The following FUCA1 variants were observed in gnomAD, a reference collection of about 807,000 sequenced individuals.
FUCA1 encodes the protein alpha-L-fucosidase 1, also known as tissue alpha-L-fucosidase.
A neutral mutation model predicts 56.8 loss-of-function variants in FUCA1; 52 were observed. That is an observed-to-expected ratio of 0.92 (90% CI 0.73 to 1.15). The LOEUF is 1.15. Among genes scored for constraint, FUCA1 ranks in the 50% most tolerant of loss-of-function variants. FUCA1 has a pLI of 0.00. For synonymous variants in FUCA1, 230 were observed against 226.6 expected (o/e 1.02, Z -0.14); for missense variants, 568 against 592.6 (o/e 0.96, Z 0.43).
chr1:23,845,526 A>C lies in FUCA1; in HGVS notation c.*189T>G. Reference sequence around the variant, plus strand: ...GCTGACCTGATACAGATATAATCACAATGGATCTCAGATCTTTGGTCCATT... The same window carrying C: ...GCTGACCTGATACAGATATAATCACCATGGATCTCAGATCTTTGGTCCATT... On this transcript the variant is annotated 3_prime_UTR_variant, in exon 8 of 8. Coordinates refer to ENST00000374479, the MANE Select transcript of FUCA1 (RefSeq NM_000147.5). 2 of 663,518 alleles carry C rather than the reference A, an allele frequency of 3.0e-6. No individual in the cohort carries two copies. The highest frequency in any genetic ancestry group is 5.3e-6 in the Non-Finnish European group (2 of 377,872). 41.1% of individuals were successfully genotyped at this position (663,518 alleles called of 1,614,324 possible).
intron 4 of FUCA1, among the ~76,000 whole-genome samples, chr1:23,859,579 A>C (rs1434662287): frequency 6.6e-6 from 1 of 151,876 alleles, no homozygotes; most frequent in Non-Finnish European, 1.5e-5. Flanking sequence ...TAAAAAAAAA[A>C]AAAAACAACA....
At chr1:23,863,577 C>T (rs1043740353) in intron 2 of FUCA1, among the ~76,000 whole-genome samples, 25 of 152,292 alleles carry the variant, frequency 1.6e-4, no homozygotes, top group Non-Finnish European at 2.6e-4. Flanking sequence ...TCCTGCTGGG[C>T]GCAGTGGCTC....
Position 23,859,384 on chromosome 1 carries a change from T to G in FUCA1, c.768+414A>C, listed in dbSNP as rs1035327379. On this transcript the variant is annotated intron_variant, in intron 4 of 7. Transcript: ENST00000374479. ...GGGTTCGAGAGCAGCCTGCCCAACA[T>G]GGCGAAACCCTGTCTCTACTAAAAA... Among the ~76,000 whole-genome samples, 9 of 152,084 alleles carry G rather than the reference T, an allele frequency of 5.9e-5. No individual in the cohort carries two copies. In the East Asian group the frequency reaches 1.7e-3, roughly 30 times the overall value.
Position 23,867,667 on chromosome 1 carries a change from G to A in FUCA1, c.389+231C>T. 2.1e-6 allele frequency: 2 copies of A among 959,480 alleles called. No individual in the cohort carries two copies. The highest frequency in any genetic ancestry group is 2.5e-6 in the Non-Finnish European group (2 of 806,332). 59.4% of individuals were successfully genotyped at this position (959,480 alleles called of 1,614,324 possible). On this transcript the variant is annotated intron_variant, in intron 1 of 7. Coordinates refer to ENST00000374479, the MANE Select transcript of FUCA1 (RefSeq NM_000147.5). The surrounding 1 kb of genome is among the most constrained non-coding windows in gnomAD (Gnocchi z 4.9). Reference sequence around the variant, plus strand: ...CGGTGCACAGGTGCAGATACCCAGGGCTTCCCAGCCTGCCATCTCCCTGAA... The same window carrying A: ...CGGTGCACAGGTGCAGATACCCAGGACTTCCCAGCCTGCCATCTCCCTGAA...
In FUCA1 at chr1:23,854,465, C is replaced by G; in HGVS notation, c.864G>C (p.Leu288Phe). The G allele has an allele frequency of 6.2e-7, 1 of 1,614,114 alleles. No homozygotes were observed. The highest frequency in any genetic ancestry group is 1.1e-5 in the South Asian group (1 of 91,084). The change falls in exon 5 of 8, where the codon TTG becomes TTC. Residue 288 changes from leucine (L) to phenylalanine (F), a missense_variant. Coordinates refer to ENST00000374479, the MANE Select transcript of FUCA1 (RefSeq NM_000147.5). ...NCEDKFKPQS[L>F]PDHKWEMCTS... ...TGCACATCTCCCACTTGTGATCTGG[C>G]AAGCTCTGTGGCTTGAATTTATCTT...
intron 5 of FUCA1, among the ~76,000 whole-genome samples, chr1:23,853,536 C>T (rs1386343514): frequency 6.6e-6 from 1 of 152,052 alleles, no homozygotes; most frequent in African/African-American, 2.4e-5. Flanking sequence ...AGCCCCTCTG[C>T]CCAGCCACCA....
rs755082816 is a variant in FUCA1 at position 23,863,138 on chromosome 1, T to A, written c.658A>T (p.Asn220Tyr). Residue 220 changes from asparagine (N) to tyrosine (Y), a missense_variant, in exon 3 of 8, where the codon AAC (asparagine) becomes TAC (tyrosine). By Grantham distance (143) the Asn-to-Tyr change is moderately radical. Coordinates refer to ENST00000374479, the MANE Select transcript of FUCA1 (RefSeq NM_000147.5). ...CAAAATATTTCAGTGTCTTACCTGT[T>A]AACAAGGTCGTACAGCTCTGGCATT... ...KTMPELYDLV[N>Y]SYKPDLIWSD... 6.2e-7 allele frequency: 1 copy of A among 1,613,922 alleles called. No individual in the cohort carries two copies.
At chr1:23,855,298 C>T (rs1454069807) in intron 4 of FUCA1, among the ~76,000 whole-genome samples, 1 of 152,116 alleles carries the variant, frequency 6.6e-6, no homozygotes. Flanking sequence ...GAGATAGAGA[C>T]CAACCTGGCT....
chr1:23,860,548 C>T (rs770103304), intron 3 of FUCA1, among the ~76,000 whole-genome samples: 14 of 144,878 alleles, frequency 9.7e-5, no homozygotes, highest in Non-Finnish European at 1.8e-4. Flanking sequence ...TGCGCCACTG[C>T]ACTCCAGCCT....
rs776863372 is a variant in FUCA1 at position 23,845,715 on chromosome 1, T to C, written c.1401A>G (p.Ter467=). ...CCTCTTTCTTCTTGCACTCAAATGA[T>C]TACTTCACTCCTGTCAGCTTTATAG... is the stretch of plus-strand genomic sequence containing the variant. ...AWTIKLTGVK[*] is the part of the protein sequence containing the mutation. Residue 467 remains the stop codon, a stop_retained_variant, in exon 8 of 8, where the codon TAA becomes TAG. Transcript: ENST00000374479. 5 of 1,614,052 alleles carry C rather than the reference T, an allele frequency of 3.1e-6. No individual in the cohort carries two copies. In the African/African-American group the frequency reaches 6.7e-5, roughly 22 times the overall value.
chr1:23,861,047 G>A (rs1047045843), intron 3 of FUCA1, among the ~76,000 whole-genome samples: 1 of 151,882 alleles, frequency 6.6e-6, no homozygotes, highest in African/African-American at 2.4e-5. Flanking sequence ...CAGCTGGCCG[G>A]GCACAGTGGC....
chr1:23,859,386 G>A (rs961960623), intron 4 of FUCA1, among the ~76,000 whole-genome samples: 1 of 151,994 alleles, frequency 6.6e-6, no homozygotes, highest in Non-Finnish European at 1.5e-5. Context: ...GCCCAACATG[G>A]CGAAACCCTG....
chr1:23,858,932 G>A (rs1397088156), intron 4 of FUCA1, among the ~76,000 whole-genome samples: 2 of 151,790 alleles, frequency 1.3e-5, no homozygotes, highest in Admixed American at 6.6e-5. Context: ...CTACAGGTCC[G>A]TGCCACCACA....
chr1:23,853,457 G>A (rs1406797471), intron 5 of FUCA1, among the ~76,000 whole-genome samples: 7 of 150,000 alleles, frequency 4.7e-5, no homozygotes, highest in African/African-American at 7.4e-5. Context: ...TCAGCCCCCC[G>A]CCCAGCCAGC....
intron 3 of FUCA1, among the ~76,000 whole-genome samples, chr1:23,862,137 A>G (rs1639522946): frequency 6.6e-6 from 1 of 152,186 alleles, no homozygotes; most frequent in Admixed American, 6.6e-5. Flanking sequence ...TATTTTCTTA[A>G]GAGAAGTCAT....
intron 4 of FUCA1, among the ~76,000 whole-genome samples, chr1:23,857,229 G>A (rs776412920): frequency 6.6e-6 from 1 of 152,122 alleles, no homozygotes; most frequent in Non-Finnish European, 1.5e-5. Context: ...CGCCATTTCA[G>A]AGACAAATGG....
intron 5 of FUCA1, among the ~76,000 whole-genome samples, chr1:23,851,848 G>A (rs908438278): frequency 1.3e-5 from 2 of 152,018 alleles, no homozygotes; most frequent in African/African-American, 2.4e-5. Flanking sequence ...TCACACACCA[G>A]GGCTTGTTGG....
rs864309551 is a variant in FUCA1 at position 23,848,727 on chromosome 1, C to A, written c.1082G>T (p.Trp361Leu). ...GATAGCCTCCCCATTGATGCTCAGC[C>A]ATTTCCCAACAGCAAGAAGCCTTTC... ...FQERLLAVGK[W>L]LSINGEAIYA... The change falls in exon 6 of 8, where the codon TGG (tryptophan) becomes TTG (leucine). Residue 361 changes from tryptophan (W) to leucine (L), a missense_variant. Physicochemically the swap from Trp to Leu is moderately conservative, Grantham distance 61 (BLOSUM62 -2). Coordinates refer to ENST00000374479, the MANE Select transcript of FUCA1 (RefSeq NM_000147.5). The A allele has an allele frequency of 2.5e-5, 40 of 1,614,090 alleles. No individual in the cohort carries two copies. The highest frequency in any genetic ancestry group is 3.3e-5 in the Non-Finnish European group (39 of 1,180,042).
intron 5 of FUCA1, 143 bp downstream of exon 5, chr1:23,854,217 G>A (rs1451044936): frequency 1.7e-5 from 12 of 716,440 alleles, no homozygotes; most frequent in Non-Finnish European, 2.5e-5. Flanking sequence ...TAATGATCTC[G>A]CTTTTCTTCA....
Sources: gnomAD v4.1 joint callset for allele counts (sites outside exome capture counted in the v4.1 genomes callset) on GRCh38, gnomAD v4.1.1 for gene constraint, Gnocchi (gnomAD v3.1) non-coding constraint, MANE v1.5 for transcripts, NCBI Gene and HGNC (gene_info 2026-07-23, HGNC 2026-07-21) for gene names.